The following UPK1A variants were observed in gnomAD, a reference collection of about 807,000 sequenced individuals.
UPK1A encodes uroplakin-1a.
UPK1A carries 31 observed loss-of-function variants against 32.3 expected under a neutral mutation model. The observed-to-expected ratio is 0.96, with a 90% CI of 0.72 to 1.30. The LOEUF (loss-of-function observed/expected upper bound fraction) is 1.30, where lower values mean the gene tolerates loss of function less well. UPK1A is among the 50% of genes most tolerant of loss of function. The probability of loss-of-function intolerance (pLI) is 0.00; values close to 1 mark genes in which losing one functional copy is unlikely to be tolerated. For synonymous variants in UPK1A, 135 were observed against 137.1 expected (o/e 0.98, Z 0.11); for missense variants, 340 against 357.4 (o/e 0.95, Z 0.39).
At chr19:35,678,471 T>TAAATAATG (rs397859779) in exon 8 of UPK1A, 1 of 151,418 alleles carries the variant, frequency 6.6e-6, no homozygotes, top group South Asian at 2.1e-4. Context: ...AATAAATAAA[T>TAAATAATG]AATGAATGAA....
chr19:35,667,027 GA>G (rs370994769), intron 2 of UPK1A, 131 bp downstream of exon 2: 1 of 849,142 alleles, frequency 1.2e-6, no homozygotes, highest in African/African-American at 1.7e-5. Context: ...AGCCTGGGTT[GA>G]AATCCCAGCT....
chr19:35,668,164 C>T (rs1968027004), intron 2 of UPK1A: 1 of 489,106 alleles, frequency 2.0e-6, no homozygotes. Flanking sequence ...GGCAGATGGA[C>T]CAAGCATCTC....
intron 6 of UPK1A, 29 bp downstream of exon 6, chr19:35,676,048 C>A: frequency 6.3e-7 from 1 of 1,597,546 alleles, no homozygotes; most frequent in Non-Finnish European, 8.5e-7. Context: ...CTCCATCTGT[C>A]TATCCATCTG....
intron 4 of UPK1A, 23 bp from the exon 5 acceptor site, chr19:35,673,415 T>C (rs2146386617): frequency 6.2e-7 from 1 of 1,612,724 alleles, no homozygotes; most frequent in Non-Finnish European, 8.5e-7. Context: ...CTGCCGGCCC[T>C]TGTTCTTCCC....
At chr19:35,677,786 C>G in intron 6 of UPK1A, 26 bp from the exon 7 acceptor site, 1 of 1,611,810 alleles carries the variant, frequency 6.2e-7, no homozygotes, top group Non-Finnish European at 8.5e-7. Context: ...GGCGTCTTCT[C>G]AAACTTCCCC....
At chr19:35,673,448 A>T (rs1258009834) in exon 5 of UPK1A, 1 of 1,613,578 alleles carries the variant, frequency 6.2e-7, no homozygotes. Flanking sequence ...ATGGTGTCCA[A>T]CCCATCCCTG....
chr19:35,668,056 G>A, intron 2 of UPK1A: 1 of 280,466 alleles, frequency 3.6e-6, no homozygotes, highest in East Asian at 9.7e-5. Flanking sequence ...CCACAATGCT[G>A]GGACTGCAGG....
intron 2 of UPK1A, chr19:35,668,248 G>A: frequency 3.2e-6 from 2 of 632,118 alleles, no homozygotes; most frequent in South Asian, 3.8e-5. Flanking sequence ...GGCAGCTGGG[G>A]CGTGGGGGTC....
chr19:35,673,468 C>T lies in UPK1A; in HGVS notation c.391C>T (p.Gln131Ter), dbSNP rs1023463100. 1.9e-6 allele frequency: 3 copies of T among 1,613,578 alleles called. No individual in the cohort carries two copies. Among genetic ancestry groups the T allele is most frequent in the Non-Finnish European group, 2.5e-6 (3 of 1,179,990 alleles). ...GTCCAACCCATCCCTGATCACCAAGCAGATGCTGACCTTCTACAGCGCGGA... is the reference window on the plus strand; with the variant it reads ...GTCCAACCCATCCCTGATCACCAAGTAGATGCTGACCTTCTACAGCGCGGA... Residue 131 changes from glutamine to a stop codon, truncating the protein, a stop_gained, in exon 5 of 8, where the codon CAG becomes TAG. Coordinates refer to ENST00000617999, the Ensembl canonical transcript of UPK1A. LOFTEE classifies it high-confidence loss of function.
intron 3 of UPK1A, among the ~76,000 whole-genome samples, chr19:35,670,535 C>T (rs1223919106): frequency 2.6e-5 from 2 of 76,408 alleles, no homozygotes; most frequent in African/African-American, 5.3e-5. Flanking sequence ...CCTCCCCTCC[C>T]CTCCTTTCCC....
intron 5 of UPK1A, 143 bp from the exon 6 acceptor site, chr19:35,675,697 C>T (rs1270773859): frequency 1.1e-6 from 1 of 912,330 alleles, no homozygotes; most frequent in Admixed American, 3.1e-5. Context: ...CCACCGGACA[C>T]ACTCGCTTGG....
At chr19:35,669,235 T>A (rs143672971) in intron 3 of UPK1A, among the ~76,000 whole-genome samples, 5 of 152,178 alleles carry the variant, frequency 3.3e-5, no homozygotes, top group African/African-American at 1.2e-4. Flanking sequence ...GGGTCACACA[T>A]TGAGACAATG....
chr19:35,675,991 T>C (rs1165634719), exon 6 of UPK1A: 1 of 1,613,672 alleles, frequency 6.2e-7, no homozygotes, highest in Non-Finnish European at 8.5e-7. Context: ...GGCTGCCGCC[T>C]GGGGCACATG....
At chr19:35,675,181 C>T (rs1286971005) in intron 5 of UPK1A, among the ~76,000 whole-genome samples, 1 of 152,108 alleles carries the variant, frequency 6.6e-6, no homozygotes, top group Non-Finnish European at 1.5e-5. Context: ...CATTCAGGAG[C>T]CACAAATTAA....
intron 2 of UPK1A, chr19:35,667,909 C>T: frequency 5.3e-6 from 1 of 188,722 alleles, no homozygotes; most frequent in South Asian, 1.1e-4. Context: ...CCTGCCTCAG[C>T]CTCCCAAGTA....
At chr19:35,666,737 G>C (rs1009095270) in intron 1 of UPK1A, 72 bp from the exon 2 acceptor site, 35 of 1,480,614 alleles carry the variant, frequency 2.4e-5, no homozygotes, top group African/African-American at 1.9e-4. Context: ...TCGAAGCCAG[G>C]GTGTGGCTCA....
chr19:35,675,057 A>G (rs11880678), intron 5 of UPK1A, among the ~76,000 whole-genome samples: 23,009 of 149,150 alleles, frequency 0.15, 3,010 homozygotes, highest in African/African-American at 0.35. Context: ...AAAAAAAAAA[A>G]AAGAAGAAGA....
intron 2 of UPK1A, among the ~76,000 whole-genome samples, chr19:35,667,322 TTTTGTTTTGTTTTG>T (rs1415788289): frequency 9.1e-5 from 5 of 55,152 alleles, no homozygotes; most frequent in African/African-American, 1.6e-4. Context: ...TTTTGTTTTG[TTTTGTTTTGTTTTG>T]TTTTGTTTTG....
At chr19:35,671,766 A>G (rs141685570) in intron 3 of UPK1A, among the ~76,000 whole-genome samples, 56 of 151,848 alleles carry the variant, frequency 3.7e-4, no homozygotes, top group East Asian at 2.3e-3. Flanking sequence ...CCGGCCCCCA[A>G]ATTTCTTACA....
Sources: gnomAD v4.1 joint callset for allele counts (sites outside exome capture counted in the v4.1 genomes callset) on GRCh38, gnomAD v4.1.1 for gene constraint, MANE v1.5 for transcripts, NCBI Gene and HGNC (gene_info 2026-07-23, HGNC 2026-07-21) for gene names.